The following ATP8A1 variants were observed in gnomAD, a reference collection of about 807,000 sequenced individuals.
ATP8A1 encodes the protein ATPase phospholipid transporting 8A1, also known as phospholipid-transporting ATPase IA.
ATP8A1 carries 90 observed loss-of-function variants against 177.7 expected under a neutral mutation model. The observed-to-expected ratio is 0.51, with a 90% CI of 0.43 to 0.60. ATP8A1 has a LOEUF of 0.60. ATP8A1 is among the 20% of genes least tolerant of loss of function. The probability of loss-of-function intolerance (pLI) is 0.00; values close to 1 mark genes in which losing one functional copy is unlikely to be tolerated. For missense variants in ATP8A1, 1,072 were observed against 1,392.8 expected (o/e 0.77, Z 3.67); for synonymous variants, 493 against 485.9 (o/e 1.01, Z -0.19).
chr4:42,656,697 CG>C lies in ATP8A1; in HGVS notation c.49+127del, dbSNP rs145611143. On this transcript the variant is annotated intron_variant, in intron 1 of 36. Transcript: ENST00000381668. ...GCGGGGGGAAGGGTCCCCTAGGGGCCGGGCGCGACAGTCGGACTGCCGCCGG... is the reference window on the plus strand; with the variant it reads ...GCGGGGGGAAGGGTCCCCTAGGGGCCGGCGCGACAGTCGGACTGCCGCCGG... The C allele has an allele frequency of 1.2e-3, 1,411 of 1,152,794 alleles. 16 individuals carry two copies. The African/African-American group carries it at 0.021, about 17-fold the overall frequency. The allele number at this position is 1,152,794 out of a possible 1,614,324, so 71.4% of individuals were successfully genotyped here.
intron 24 of ATP8A1, among the ~76,000 whole-genome samples, chr4:42,493,358 T>A (rs1722920615): frequency 6.6e-6 from 1 of 152,164 alleles, no homozygotes; most frequent in Admixed American, 6.5e-5. Context: ...AAATGTTATT[T>A]TGAAAAAAAT....
chr4:42,591,160 A>T (rs1734133954), intron 6 of ATP8A1, among the ~76,000 whole-genome samples: 2 of 152,276 alleles, frequency 1.3e-5, no homozygotes, highest in African/African-American at 4.8e-5. Context: ...TTTACTCATA[A>T]GCTTATCAAA....
At chr4:42,630,820 A>G (rs541911678) in intron 1 of ATP8A1, among the ~76,000 whole-genome samples, 1 of 152,338 alleles carries the variant, frequency 6.6e-6, no homozygotes, top group Non-Finnish European at 1.5e-5. Flanking sequence ...TAAATGGCAA[A>G]GCCAAGAATA....
intron 5 of ATP8A1, among the ~76,000 whole-genome samples, chr4:42,601,246 G>A (rs560309671): frequency 6.6e-6 from 1 of 151,796 alleles, no homozygotes; most frequent in South Asian, 2.1e-4. Context: ...ATGTTGGCCA[G>A]GCTGGTATCG....
intron 23 of ATP8A1, among the ~76,000 whole-genome samples, chr4:42,506,575 G>A (rs765466828): frequency 3.3e-5 from 5 of 152,210 alleles, no homozygotes; most frequent in African/African-American, 9.7e-5. Context: ...GAGGAGCCAC[G>A]TGAGGACAGC....
chr4:42,625,818 C>A, intron 2 of ATP8A1, 105 bp from the exon 3 acceptor site: 1 of 559,536 alleles, frequency 1.8e-6, no homozygotes, highest in East Asian at 3.2e-5. Flanking sequence ...GGAACATTTG[C>A]CGGCTGTTTC....
At chr4:42,548,264 C>T (rs975841564) in intron 19 of ATP8A1, among the ~76,000 whole-genome samples, 3 of 152,156 alleles carry the variant, frequency 2.0e-5, no homozygotes, top group African/African-American at 7.2e-5. Context: ...ATGCCGGCTT[C>T]CTGATCCCGA....
chr4:42,620,165 T>G (rs1737324049), intron 4 of ATP8A1, among the ~76,000 whole-genome samples: 1 of 152,230 alleles, frequency 6.6e-6, no homozygotes, highest in African/African-American at 2.4e-5. Context: ...TTATTCTCAC[T>G]GATAAAGACA....
intron 15 of ATP8A1, among the ~76,000 whole-genome samples, chr4:42,560,830 G>A (rs1730743410): frequency 1.3e-5 from 2 of 151,958 alleles, no homozygotes; most frequent in African/African-American, 4.8e-5. Flanking sequence ...TTAGATTGGT[G>A]CAAAAGTAAT....
chr4:42,501,166 T>C (rs1374668159), intron 24 of ATP8A1, among the ~76,000 whole-genome samples: 1 of 152,212 alleles, frequency 6.6e-6, no homozygotes. Flanking sequence ...CAGTTGTAAC[T>C]TGCCACCTTA....
intron 7 of ATP8A1, among the ~76,000 whole-genome samples, chr4:42,590,007 G>A (rs1455199584): frequency 6.6e-6 from 1 of 152,078 alleles, no homozygotes; most frequent in Non-Finnish European, 1.5e-5. Context: ...AGTTACTGAA[G>A]CAATTCTTAA....
intron 22 of ATP8A1, among the ~76,000 whole-genome samples, chr4:42,508,767 T>C (rs1724703947): frequency 6.6e-6 from 1 of 152,232 alleles, no homozygotes; most frequent in Admixed American, 6.5e-5. Context: ...TTCTCCTCTC[T>C]TGCCTTCATT....
intron 22 of ATP8A1, among the ~76,000 whole-genome samples, chr4:42,515,945 C>A (rs1211784011): frequency 6.6e-6 from 1 of 152,162 alleles, no homozygotes; most frequent in Non-Finnish European, 1.5e-5. Flanking sequence ...TTCTAACATA[C>A]CCCTAAATTA....
chr4:42,619,732 A>G (rs901120363), intron 4 of ATP8A1, among the ~76,000 whole-genome samples: 2 of 152,170 alleles, frequency 1.3e-5, no homozygotes, highest in Non-Finnish European at 2.9e-5. Context: ...TCACTGATGT[A>G]TTAGTGGCAG....
intron 2 of ATP8A1, 23 bp downstream of exon 2, chr4:42,626,972 T>G: frequency 6.3e-7 from 1 of 1,576,928 alleles, no homozygotes; most frequent in South Asian, 1.1e-5. Context: ...GCTGGTCTCA[T>G]GGCATTCTTT....
At chr4:42,470,956 T>G (rs1181215713) in intron 25 of ATP8A1, among the ~76,000 whole-genome samples, 1 of 152,116 alleles carries the variant, frequency 6.6e-6, no homozygotes, top group Admixed American at 6.6e-5. Flanking sequence ...TTACAGAAAT[T>G]ACAAAAGGAG....
At chr4:42,448,820 T>C (rs920903316) in intron 30 of ATP8A1, among the ~76,000 whole-genome samples, 7 of 143,030 alleles carry the variant, frequency 4.9e-5, no homozygotes, top group Non-Finnish European at 9.0e-5. Context: ...GTCTACTTTG[T>C]ACTTTGCGTT....
intron 25 of ATP8A1, among the ~76,000 whole-genome samples, chr4:42,479,283 C>T (rs1721411111): frequency 6.6e-6 from 1 of 152,210 alleles, no homozygotes; most frequent in African/African-American, 2.4e-5. Flanking sequence ...CCTACAGATA[C>T]TTACTATCTG....
chr4:42,508,406 T>C (rs1415863934), intron 22 of ATP8A1, among the ~76,000 whole-genome samples: 1 of 152,210 alleles, frequency 6.6e-6, no homozygotes, highest in Non-Finnish European at 1.5e-5. Flanking sequence ...ATTAAAGGCA[T>C]GAGTCACCAC....
Sources: gnomAD v4.1 joint callset for allele counts (sites outside exome capture counted in the v4.1 genomes callset) on GRCh38, gnomAD v4.1.1 for gene constraint, MANE v1.5 for transcripts, NCBI Gene and HGNC (gene_info 2026-07-23, HGNC 2026-07-21) for gene names.